Variants in COG6 observed in about 807,000 individuals in gnomAD.
The protein encoded by COG6 is conserved oligomeric Golgi complex subunit 6.
Under a neutral mutation model 88.8 loss-of-function variants are expected in COG6, and 74 were observed. The observed-to-expected ratio is 0.83, with a 90% CI of 0.69 to 1.01. COG6 has a LOEUF of 1.01. COG6 is among the 50% of genes least tolerant of loss of function. COG6 has a pLI of 0.00. For synonymous variants in COG6, 286 were observed against 278.7 expected, an observed-to-expected ratio of 1.03 and a Z score of -0.26; for missense variants, 800 against 797.9, an observed-to-expected ratio of 1.00 and a Z score of -0.03.
At chr13:39,757,759 G>A (rs998624964) in intron 18 of COG6, among the ~76,000 whole-genome samples, 2 of 152,064 alleles carry the variant, frequency 1.3e-5, no homozygotes, top group Non-Finnish European at 2.9e-5. Flanking sequence ...CAACAAGATG[G>A]AGTCAGTAAT....
intron 4 of COG6, among the ~76,000 whole-genome samples, chr13:39,666,786 T>C (rs1875299021): frequency 6.6e-6 from 1 of 152,196 alleles, no homozygotes; most frequent in South Asian, 2.1e-4. Context: ...TGTAACTTAC[T>C]TTTCTGTCTT....
intron 10 of COG6, among the ~76,000 whole-genome samples, chr13:39,689,298 T>C (rs765656348): frequency 1.4e-4 from 22 of 152,120 alleles, no homozygotes; most frequent in Admixed American, 5.9e-4. Context: ...AAATAGTTGG[T>C]GTTTTGAAAA....
chr13:39,745,185 G>C (rs928722204), intron 18 of COG6, among the ~76,000 whole-genome samples: 3 of 152,120 alleles, frequency 2.0e-5, no homozygotes, highest in African/African-American at 7.2e-5. Context: ...GCATGGGCAA[G>C]GACTTCATGA....
chr13:39,699,400 A>G, intron 12 of COG6, 101 bp from the exon 13 acceptor site: 1 of 620,108 alleles, frequency 1.6e-6, no homozygotes, highest in Non-Finnish European at 2.9e-6. Context: ...TTACATAAAA[A>G]CTTTTATTTA....
chr13:39,684,399 G>A (rs1284065417), intron 8 of COG6, among the ~76,000 whole-genome samples: 2 of 150,770 alleles, frequency 1.3e-5, no homozygotes, highest in East Asian at 1.9e-4. Context: ...ACAGGCGCCC[G>A]CCACCTCGCC....
rs1251558158 is a variant in COG6 at position 39,751,558 on chromosome 13, C to G, written c.*465C>G. On this transcript the variant is annotated 3_prime_UTR_variant, in exon 19 of 19. Coordinates refer to ENST00000455146, the MANE Select transcript of COG6 (RefSeq NM_020751.3). ...GGCATACTTAGTAGCTTTTCTGAAC[C>G]TAGCCTATGTCTCTGTCCCCAAAAT... 1 of 1,287,104 alleles carries G rather than the reference C, an allele frequency of 7.8e-7. No individual in the cohort carries two copies. 79.7% of individuals were successfully genotyped at this position (1,287,104 alleles called of 1,614,324 possible). A position where few individuals can be genotyped will look rare whatever the true frequency, so the allele number is the denominator to read the frequency against.
intron 18 of COG6, among the ~76,000 whole-genome samples, chr13:39,762,482 A>G (rs902463690): frequency 6.6e-5 from 10 of 151,862 alleles, no homozygotes; most frequent in African/African-American, 2.4e-4. Flanking sequence ...ATTAACAACA[A>G]TCTATTGTAT....
In COG6 at chr13:39,655,757, G is replaced by A; in HGVS notation, c.31G>A (p.Val11Met). Residue 11 changes from valine (V) to methionine (M), a missense_variant, in exon 1 of 19, where the codon GTG becomes ATG. Physicochemically the swap from Val to Met is conservative, Grantham distance 21. Coordinates refer to ENST00000455146, the MANE Select transcript of COG6 (RefSeq NM_020751.3). The stretch of plus-strand genomic sequence containing the variant: ...AGAGGGCAGCGGGGAAGTGGTCGCA[G>A]TGTCTGCGACCGGGGCTGCCAACGG... MAEGSGEVVA[V>M]SATGAANGLN... 6.3e-7 allele frequency: 1 copy of A among 1,593,616 alleles called. No individual in the cohort carries two copies. Among genetic ancestry groups the A allele is most frequent in the Non-Finnish European group, 8.5e-7 (1 of 1,170,320 alleles).
At chr13:39,724,603 G>A (rs761509959) in intron 17 of COG6, 42 bp downstream of exon 17, 10 of 1,399,766 alleles carry the variant, frequency 7.1e-6, no homozygotes, top group Middle Eastern at 1.9e-4. Context: ...TTTCCTTATG[G>A]ATCGATAGTC....
intron 12 of COG6, among the ~76,000 whole-genome samples, chr13:39,699,138 G>A (rs183435456): frequency 6.6e-6 from 1 of 151,712 alleles, no homozygotes; most frequent in African/African-American, 2.4e-5. Context: ...TTGATTCAGT[G>A]CTCTTCTTAA....
chr13:39,665,037 G>C, intron 3 of COG6, 59 bp from the exon 4 acceptor site: 1 of 837,032 alleles, frequency 1.2e-6, no homozygotes, highest in Non-Finnish European at 2.1e-6. Context: ...GGTAGTATTT[G>C]TTTTCTGAAA....
intron 15 of COG6, 141 bp from the exon 16 acceptor site, chr13:39,723,192 G>A: frequency 3.1e-6 from 2 of 646,494 alleles, no homozygotes; most frequent in Admixed American, 4.6e-5. Context: ...TTCATAGAAA[G>A]ACTTACTGTT....
In COG6 at chr13:39,725,647, G is replaced by A. The variant is rs1483303171; in HGVS notation, c.1746+1086G>A. ...TGAGACAAATAAGAAACATTATGTC[G>A]TGATAAAAGACACTATATAGAAGCA... On this transcript the variant is annotated intron_variant, in intron 17 of 18. Coordinates refer to ENST00000455146, the MANE Select transcript of COG6 (RefSeq NM_020751.3). Among the ~76,000 whole-genome samples the A allele has an allele frequency of 4.6e-5, 7 of 150,702 alleles. No homozygotes were observed. In the East Asian group the frequency reaches 7.8e-4, roughly 17 times the overall value.
At chr13:39,662,649 A>G (rs946889546) in intron 3 of COG6, among the ~76,000 whole-genome samples, 3 of 152,204 alleles carry the variant, frequency 2.0e-5, no homozygotes, top group Non-Finnish European at 4.4e-5. Context: ...TATCACATAT[A>G]AAAGATTGCC....
intron 15 of COG6, among the ~76,000 whole-genome samples, chr13:39,720,975 ATTATTAC>A (rs1444048023): frequency 6.6e-6 from 1 of 152,084 alleles, no homozygotes; most frequent in Non-Finnish European, 1.5e-5. Flanking sequence ...TTGTTAAATT[ATTATTAC>A]TATGTAAACA....
chr13:39,658,185 C>T (rs1403989682), intron 1 of COG6, among the ~76,000 whole-genome samples: 1 of 151,364 alleles, frequency 6.6e-6, no homozygotes, highest in Non-Finnish European at 1.5e-5. Context: ...CTCTGTCGCC[C>T]AGGCTGGAGT....
chr13:39,708,482 CT>C (rs1878061713), intron 13 of COG6, among the ~76,000 whole-genome samples: 1 of 152,136 alleles, frequency 6.6e-6, no homozygotes, highest in Non-Finnish European at 1.5e-5. Flanking sequence ...GGACATTCTT[CT>C]GTATTTTTCT....
intron 4 of COG6, among the ~76,000 whole-genome samples, chr13:39,665,556 G>A (rs1016850925): frequency 3.3e-5 from 5 of 152,018 alleles, no homozygotes; most frequent in African/African-American, 1.2e-4. Flanking sequence ...AATTCTCCTT[G>A]TAGTTTATAC....
At chr13:39,787,726 A>G (rs1173096573) in intron 18 of COG6, among the ~76,000 whole-genome samples, 1 of 152,300 alleles carries the variant, frequency 6.6e-6, no homozygotes, top group African/African-American at 2.4e-5. Flanking sequence ...AATATTTGGG[A>G]AAAAAACAAC....
Sources: allele counts gnomAD v4.1 joint callset (sites outside exome capture counted in the v4.1 genomes callset), GRCh38; gene constraint gnomAD v4.1.1; transcripts MANE v1.5; gene names NCBI Gene and HGNC (gene_info 2026-07-23, HGNC 2026-07-21).